SEMA5A: variants seen among roughly 807,000 people sequenced by gnomAD.
SEMA5A encodes the protein semaphorin 5A.
A neutral mutation model predicts 135.5 loss-of-function variants in SEMA5A; 55 were observed. That is an observed-to-expected ratio of 0.41 (90% CI 0.33 to 0.51). The LOEUF (loss-of-function observed/expected upper bound fraction) is 0.51. SEMA5A is among the 20% of genes least tolerant of loss of function. SEMA5A has a pLI of 0.37. For missense variants in SEMA5A, 1,290 were observed against 1,419.9 expected (o/e 0.91, Z 1.47); for synonymous variants, 580 against 546.5 (o/e 1.06, Z -0.85).
intron 5 of SEMA5A, among the ~76,000 whole-genome samples, chr5:9,298,425 C>A (rs1344296199): frequency 6.6e-6 from 1 of 152,200 alleles, no homozygotes; most frequent in Non-Finnish European, 1.5e-5. Context: ...GCCTCCAGAA[C>A]TGTGAGGTCA....
chr5:9,437,411 C>T (rs2126671303), intron 2 of SEMA5A, among the ~76,000 whole-genome samples: 1 of 152,072 alleles, frequency 6.6e-6, no homozygotes, highest in East Asian at 1.9e-4. Flanking sequence ...GGCTGGAGTG[C>T]AGTGGTGCAA....
chr5:9,268,755 A>G, intron 5 of SEMA5A, among the ~76,000 whole-genome samples: 1 of 152,160 alleles, frequency 6.6e-6, no homozygotes, highest in East Asian at 1.9e-4. Context: ...CAACACTTCA[A>G]CAGATTGCTG....
intron 11 of SEMA5A, among the ~76,000 whole-genome samples, chr5:9,156,024 T>C (rs1342316966): frequency 2.0e-5 from 3 of 152,186 alleles, no homozygotes; most frequent in Admixed American, 2.0e-4. Context: ...CACTGAAGTA[T>C]GCTATATGCG....
intron 5 of SEMA5A, 74 bp downstream of exon 5, chr5:9,318,298 C>T (rs1446416645): frequency 1.4e-6 from 2 of 1,420,136 alleles, no homozygotes; most frequent in African/African-American, 2.8e-5. Flanking sequence ...TTACATGCAT[C>T]TGTCTTCATC....
At chr5:9,520,325 C>T (rs563058411) in intron 1 of SEMA5A, among the ~76,000 whole-genome samples, 18 of 152,332 alleles carry the variant, frequency 1.2e-4, no homozygotes, top group African/African-American at 4.3e-4. Flanking sequence ...CCACCAAATA[C>T]ATGAGTAAAC....
intron 3 of SEMA5A, among the ~76,000 whole-genome samples, chr5:9,360,924 CA>C (rs1242937698): frequency 4.6e-5 from 7 of 152,088 alleles, no homozygotes; most frequent in African/African-American, 1.7e-4. Context: ...GGATTAAAAA[CA>C]TAGTCATTCT....
intron 16 of SEMA5A, 84 bp from the exon 17 acceptor site, chr5:9,066,730 A>G: frequency 8.4e-7 from 1 of 1,195,898 alleles, no homozygotes; most frequent in Non-Finnish European, 1.2e-6. Context: ...AGGGAAAGAT[A>G]AGGGTCTCTA....
At chr5:9,138,869 T>C (rs2892389) in intron 12 of SEMA5A, among the ~76,000 whole-genome samples, 11,523 of 152,324 alleles carry the variant, frequency 0.076, 476 homozygotes, top group South Asian at 0.15. Context: ...TGCTTTTCTA[T>C]TCCTGAGTTA....
At chr5:9,231,091 A>AG (rs1354788867) in intron 6 of SEMA5A, among the ~76,000 whole-genome samples, 1 of 152,154 alleles carries the variant, frequency 6.6e-6, no homozygotes, top group African/African-American at 2.4e-5. Context: ...GTGAAAACAC[A>AG]GGGAAAAAAA....
chr5:9,167,340 G>A (rs979297147), intron 11 of SEMA5A, among the ~76,000 whole-genome samples: 2 of 152,006 alleles, frequency 1.3e-5, no homozygotes, highest in African/African-American at 4.8e-5. Flanking sequence ...ACTCTCAGGC[G>A]TACCGCATGC....
At chr5:9,056,170 C>T (rs1736878373) in intron 18 of SEMA5A, among the ~76,000 whole-genome samples, 1 of 152,106 alleles carries the variant, frequency 6.6e-6, no homozygotes, top group Non-Finnish European at 1.5e-5. Flanking sequence ...AGATCCCTGG[C>T]CTCTGTATGG....
intron 1 of SEMA5A, among the ~76,000 whole-genome samples, chr5:9,461,027 C>T (rs1218863613): frequency 2.0e-5 from 3 of 152,156 alleles, no homozygotes; most frequent in Non-Finnish European, 2.9e-5. Flanking sequence ...GTCTTAACTC[C>T]AAAGATGGAT....
intron 6 of SEMA5A, among the ~76,000 whole-genome samples, chr5:9,227,990 A>AAT (rs1747412504): frequency 6.6e-6 from 1 of 152,216 alleles, no homozygotes; most frequent in African/African-American, 2.4e-5. Flanking sequence ...AAGTGTTCTT[A>AAT]GAAAACCCTG....
intron 1 of SEMA5A, among the ~76,000 whole-genome samples, chr5:9,488,661 C>G (rs1444669936): frequency 6.6e-6 from 1 of 152,136 alleles, no homozygotes; most frequent in Non-Finnish European, 1.5e-5. Context: ...CCTATGCTCT[C>G]TCACGCAGCC....
At chr5:9,113,191 T>C (rs1560928497) in intron 15 of SEMA5A, among the ~76,000 whole-genome samples, 1 of 152,204 alleles carries the variant, frequency 6.6e-6, no homozygotes, top group East Asian at 1.9e-4. Context: ...AATGCCTAAA[T>C]CTGTGGTAAT....
chr5:9,192,481 A>G (rs1423338603), intron 10 of SEMA5A, among the ~76,000 whole-genome samples: 2 of 152,322 alleles, frequency 1.3e-5, no homozygotes, highest in Non-Finnish European at 2.9e-5. Flanking sequence ...CAGGACAGCA[A>G]TTCTATGGTC....
At chr5:9,506,778 C>A (rs1057162437) in intron 1 of SEMA5A, among the ~76,000 whole-genome samples, 2 of 152,334 alleles carry the variant, frequency 1.3e-5, no homozygotes, top group African/African-American at 2.4e-5. Context: ...TCACAGAACA[C>A]AATCAACACC....
intron 11 of SEMA5A, among the ~76,000 whole-genome samples, chr5:9,170,789 C>A (rs183683849): frequency 1.3e-5 from 2 of 152,110 alleles, no homozygotes; most frequent in Non-Finnish European, 2.9e-5. Flanking sequence ...ATCACCCAGT[C>A]GACAGTAGTT....
At chr5:9,220,025 T>C (rs1438130906) in intron 8 of SEMA5A, among the ~76,000 whole-genome samples, 1 of 152,132 alleles carries the variant, frequency 6.6e-6, no homozygotes, top group East Asian at 1.9e-4. Context: ...TACTCAGCTA[T>C]AAAAAGGAAC....
Sources: allele counts gnomAD v4.1 joint callset (sites outside exome capture counted in the v4.1 genomes callset), GRCh38; gene constraint gnomAD v4.1.1; transcripts MANE v1.5; gene names NCBI Gene and HGNC (gene_info 2026-07-23, HGNC 2026-07-21).